Variants in WDR45 observed in about 807,000 individuals in gnomAD.
WDR45 encodes WD repeat domain 45.
A neutral mutation model predicts 27.3 loss-of-function variants in WDR45; 2 were observed. The observed-to-expected ratio is 0.07, with a 90% CI of 0.03 to 0.23. The LOEUF is 0.23. Ranked by LOEUF, WDR45 falls within the 10% of genes least tolerant of loss-of-function variation. WDR45 has a pLI of 1.00. For synonymous variants in WDR45, 99 were observed against 119.2 expected (o/e 0.83, Z 1.11); for missense variants, 175 against 311.9 (o/e 0.56, Z 3.31).
intron 2 of WDR45, among the ~76,000 whole-genome samples, chrX:49,095,209 A>T (rs1007524619): frequency 3.6e-5 from 4 of 110,659 alleles, no homozygotes; most frequent in Admixed American, 9.7e-5. Context: ...GACTTCAGTA[A>T]TTTGTGAAAA....
chrX:49,098,496 A>AAC (rs1158200078), intron 2 of WDR45, among the ~76,000 whole-genome samples: 1 of 3,199 alleles, frequency 3.1e-4, no homozygotes, highest in Non-Finnish European at 0.038. Context: ...AACCTATCTT[A>AAC]AAAAAAAAAA....
chrX:49,084,619 C>A (rs967576573), upstream of WDR45, among the ~76,000 whole-genome samples: 2 of 94,635 alleles, frequency 2.1e-5, no homozygotes, highest in Non-Finnish European at 4.2e-5. Context: ...ACAAAAAAAC[C>A]AAAATACATG....
chrX:49,086,594 T>C (rs1557085934), intron 2 of WDR45, among the ~76,000 whole-genome samples: 1 of 110,904 alleles, frequency 9.0e-6, no homozygotes, highest in Non-Finnish European at 1.9e-5. Context: ...ATTTGTCTTT[T>C]CTCTTTTTTT....
In WDR45 at chrX:49,077,879, G is replaced by A. The variant is rs782380620; in HGVS notation, c.88C>T (p.Arg30Cys). ...CFCCAMETGV[R>C]IYNVEPLMEK... ...ATCAAGGGCTCCACGTTGTAGATGC[G>A]CACACCTGTCTCCATGGCGCAGCAA... is the stretch of plus-strand genomic sequence containing the variant. Residue 30 changes from arginine (R) to cysteine (C), a missense_variant, in exon 3 of 11, where the codon CGC becomes TGC. Around this residue, in one of 3 missense-constraint regions of WDR45, gnomAD observed 102 missense variants for 165.4 expected, o/e 0.62. Coordinates refer to ENST00000376372, the MANE Select transcript of WDR45 (RefSeq NM_001029896.2). The A allele has an allele frequency of 9.9e-6, 12 of 1,211,894 alleles. No homozygotes were observed. Among genetic ancestry groups the A allele is most frequent in the East Asian group, 3.0e-5 (1 of 33,837 alleles).
At chrX:49,083,674 G>C (rs74942602), upstream of WDR45, among the ~76,000 whole-genome samples, 1 of 110,426 alleles carries the variant, frequency 9.1e-6, no homozygotes, top group African/African-American at 3.3e-5. Context: ...GTGGCCAGGC[G>C]TGGTGGCTCA....
intron 2 of WDR45, among the ~76,000 whole-genome samples, chrX:49,099,712 T>G (rs1424440590): frequency 9.5e-6 from 1 of 105,479 alleles, no homozygotes; most frequent in Non-Finnish European, 1.9e-5. Context: ...ACCCGGAAGG[T>G]GGAGCTTGCA....
chrX:49,076,265 C>A, intron 6 of WDR45, 165 bp downstream of exon 6: 1 of 605,546 alleles, frequency 1.7e-6, no homozygotes, highest in Non-Finnish European at 2.6e-6. Context: ...GTGGGGAGAA[C>A]TGGCTGAGGG....
At chrX:49,085,795 T>TGGGCTCAGGAGGCCAAGATTGCA (rs200468067) in intron 2 of WDR45, among the ~76,000 whole-genome samples, 1 of 110,686 alleles carries the variant, frequency 9.0e-6, no homozygotes, top group Non-Finnish European at 1.9e-5. Context: ...GAGGATTGCT[T>TGGGCTCAGGAGGCCAAGATTGCA]GTGAGCCATG....
chrX:49,092,697 G>T (rs998312969), intron 2 of WDR45, among the ~76,000 whole-genome samples: 3 of 111,568 alleles, frequency 2.7e-5, no homozygotes, highest in Non-Finnish European at 3.8e-5. Flanking sequence ...TTTGCAAAAA[G>T]ATGTCATTGA....
chrX:49,082,880 ATT>A (rs145907950), upstream of WDR45, among the ~76,000 whole-genome samples: 17 of 93,739 alleles, frequency 1.8e-4, no homozygotes, highest in African/African-American at 4.0e-4. Flanking sequence ...CGCCCAGCTA[ATT>A]TTTTTTTTTT....
chrX:49,090,395 A>T (rs980503016), intron 2 of WDR45, among the ~76,000 whole-genome samples: 1 of 111,751 alleles, frequency 8.9e-6, no homozygotes, highest in East Asian at 2.8e-4. Context: ...GATAGTGTTG[A>T]TGTCTGCACA....
intron 2 of WDR45, among the ~76,000 whole-genome samples, chrX:49,085,588 C>T (rs1557085803): frequency 2.7e-5 from 3 of 113,000 alleles, no homozygotes; most frequent in Non-Finnish European, 5.6e-5. Flanking sequence ...TAAAAAGAAG[C>T]AGGAGGCTGG....
At chrX:49,088,284 G>T (rs1259374929) in intron 2 of WDR45, among the ~76,000 whole-genome samples, 4 of 111,652 alleles carry the variant, frequency 3.6e-5, no homozygotes, top group African/African-American at 9.8e-5. Flanking sequence ...GCGTGTGCCT[G>T]TAATACCAGG....
chrX:49,089,026 G>T (rs782253204), intron 2 of WDR45, among the ~76,000 whole-genome samples: 2 of 112,401 alleles, frequency 1.8e-5, no homozygotes, highest in Non-Finnish European at 3.8e-5. Flanking sequence ...AGTGGCTCAC[G>T]CTTGTAATCT....
rs1290371251 is a variant in WDR45, at chrX:49,076,530, G to A, written c.342-6C>T. 2.5e-6 allele frequency: 3 copies of A among 1,209,036 alleles called. No homozygotes were observed. The highest frequency in any genetic ancestry group is 3.4e-6 in the Non-Finnish European group (3 of 893,839). On this transcript the variant is annotated splice_region_variant and splice_polypyrimidine_tract_variant and intron_variant, in intron 5 of 10. Transcript: ENST00000376372. ...TCTTCAGCACGATCACGATCCTGTG[G>A]GTATCACACAACACAGGATGGCCGT... is the stretch of plus-strand genomic sequence containing the variant.
At chrX:49,097,067 T>C (rs2065128042) in intron 2 of WDR45, among the ~76,000 whole-genome samples, 1 of 111,069 alleles carries the variant, frequency 9.0e-6, no homozygotes, top group Non-Finnish European at 1.9e-5. Flanking sequence ...ATAATTTAAA[T>C]GGCTACAGAC....
chrX:49,092,612 C>A (rs1326426489), intron 2 of WDR45, among the ~76,000 whole-genome samples: 1 of 111,740 alleles, frequency 8.9e-6, no homozygotes, highest in Non-Finnish European at 1.9e-5. Flanking sequence ...TGTCTGATAT[C>A]ACCTAAATCA....
intron 2 of WDR45, among the ~76,000 whole-genome samples, chrX:49,087,051 G>T (rs782007354): frequency 1.5e-4 from 15 of 99,070 alleles, no homozygotes; most frequent in East Asian, 3.2e-4. Flanking sequence ...TTTGTTTTTT[G>T]TTTTTTTTTT....
intron 2 of WDR45, among the ~76,000 whole-genome samples, chrX:49,090,070 AG>A (rs2065099170): frequency 9.2e-6 from 1 of 108,109 alleles, no homozygotes; most frequent in African/African-American, 3.5e-5. Context: ...AAAGGAATAA[AG>A]GTTTTTTTTT....
Sources: gnomAD v4.1 joint callset for allele counts (sites outside exome capture counted in the v4.1 genomes callset) on GRCh38, gnomAD v4.1.1 for gene constraint, gnomAD v4.1.1 regional missense constraint, MANE v1.5 for transcripts, NCBI Gene and HGNC (gene_info 2026-07-23, HGNC 2026-07-21) for gene names.